TMEM233: variants seen among roughly 807,000 people sequenced by gnomAD.
TMEM233 encodes dispanin subfamily B member 2.
In TMEM233, 6 loss-of-function variants were observed where a neutral mutation model predicts 11.2. That is an observed-to-expected ratio of 0.54 (90% CI 0.29 to 1.06). The LOEUF (loss-of-function observed/expected upper bound fraction) is 1.06, where lower values mean the gene tolerates loss of function less well. Ranked by LOEUF, TMEM233 falls within the 50% of genes least tolerant of loss-of-function variation. The pLI is 0.08. For missense variants in TMEM233, 127 were observed against 144.7 expected, an observed-to-expected ratio of 0.88 and a Z score of 0.63; for synonymous variants, 59 against 55.8, an observed-to-expected ratio of 1.06 and a Z score of -0.26.
chr12:119,638,030 T>C (rs895157438), intron 2 of TMEM233, among the ~76,000 whole-genome samples: 3 of 152,208 alleles, frequency 2.0e-5, no homozygotes, highest in African/African-American at 4.8e-5. Context: ...ATGTATCTAA[T>C]ATAAAATCCA....
At chr12:119,647,643 A>C (rs1955171266), downstream of TMEM233, among the ~76,000 whole-genome samples, 1 of 152,110 alleles carries the variant, frequency 6.6e-6, no homozygotes. Context: ...TCTGGGATAC[A>C]TGTGCAGAAC....
At position 119,593,802 on chromosome 12, in the gene TMEM233, C is replaced by A; in HGVS notation, c.-47C>A. 6.5e-7 allele frequency: 1 copy of A among 1,538,238 alleles called. No homozygotes were observed. ...AGCCGGCGGCCAGAGCCCCAGACCA[C>A]ACAGACCGTGCGCTCCTCCGCCCTC... On this transcript the variant is annotated 5_prime_UTR_variant, in exon 1 of 3. Transcript: ENST00000426426. The surrounding 1 kb of genome is among the most constrained non-coding windows in gnomAD (Gnocchi z 4.1).
At position 119,641,675 on chromosome 12, in the gene TMEM233, T is replaced by C. The variant is rs1955085249; in HGVS notation, c.*970T>C. On this transcript the variant is annotated 3_prime_UTR_variant, in exon 3 of 3. Coordinates refer to ENST00000426426, the MANE Select transcript of TMEM233 (RefSeq NM_001136534.3). Reference sequence around the variant, plus strand: ...CATTATTCTGCCTGCCAGAACGCAGTAACCCAGTGTCTCACAGAGCACAAG... The same window carrying C: ...CATTATTCTGCCTGCCAGAACGCAGCAACCCAGTGTCTCACAGAGCACAAG... The C allele has an allele frequency of 6.6e-6, 1 of 152,220 alleles. No individual in the cohort carries two copies. Among genetic ancestry groups the C allele is most frequent in the Non-Finnish European group, 1.5e-5 (1 of 68,030 alleles). 9.4% of individuals were successfully genotyped at this position (152,220 alleles called of 1,614,324 possible). A position where few individuals can be genotyped will look rare whatever the true frequency, so the allele number is the denominator to read the frequency against.
chr12:119,599,388 C>G (rs925996916), intron 1 of TMEM233, among the ~76,000 whole-genome samples: 2 of 152,128 alleles, frequency 1.3e-5, no homozygotes, highest in Admixed American at 6.5e-5. Context: ...ATCAAAACAT[C>G]TCATGTACCC....
intron 1 of TMEM233, among the ~76,000 whole-genome samples, chr12:119,614,602 TG>T (rs978060962): frequency 1.3e-5 from 2 of 152,230 alleles, no homozygotes; most frequent in African/African-American, 4.8e-5. Flanking sequence ...TTAATTTCTT[TG>T]GGGCATAATA....
At position 119,595,644 on chromosome 12, in the gene TMEM233, G is replaced by A. The variant is rs2136662238; in HGVS notation, c.186+1610G>A. Among the ~76,000 whole-genome samples, 1 of 152,320 alleles carries A rather than the reference G, an allele frequency of 6.6e-6. No homozygotes were observed. Among genetic ancestry groups the A allele is most frequent in the East Asian group, 1.9e-4 (1 of 5,192 alleles). Reference sequence around the variant, plus strand: ...GCCATGTTTCTTGGGGTTGTTGGGAGCATTCATGACATAAATAATTGTAAA... The same window carrying A: ...GCCATGTTTCTTGGGGTTGTTGGGAACATTCATGACATAAATAATTGTAAA... On this transcript the variant is annotated intron_variant, in intron 1 of 2. Transcript: ENST00000426426. The surrounding 1 kb of genome is among the most constrained non-coding windows in gnomAD (Gnocchi z 4.3).
rs1326193134 is a variant in TMEM233, at chr12:119,595,124, A to C, written c.186+1090A>C. Among the ~76,000 whole-genome samples the C allele has an allele frequency of 1.3e-5, 2 of 152,012 alleles. No homozygotes were observed. The highest frequency in any genetic ancestry group is 2.9e-5 in the Non-Finnish European group (2 of 68,000). ...AACCCTGGTAGGAACACCCGAGCGA[A>C]CCCCACCAGGAGGGCGACGAGCGCC... On this transcript the variant is annotated intron_variant, in intron 1 of 2. Transcript: ENST00000426426. The surrounding 1 kb of genome is among the most constrained non-coding windows in gnomAD (Gnocchi z 4.3).
intron 1 of TMEM233, among the ~76,000 whole-genome samples, chr12:119,617,604 T>C (rs7972445): frequency 0.39 from 59,071 of 151,832 alleles, 12,841 homozygotes; most frequent in African/African-American, 0.57. Context: ...GAGGCCAAGG[T>C]GGGCAGATTA....
intron 2 of TMEM233, among the ~76,000 whole-genome samples, chr12:119,639,888 C>T (rs953417650): frequency 6.6e-6 from 1 of 152,136 alleles, no homozygotes; most frequent in Admixed American, 6.5e-5. Context: ...GCACCTAAAG[C>T]AGTGCCCAGC....
intron 1 of TMEM233, among the ~76,000 whole-genome samples, chr12:119,601,306 A>G (rs1954158696): frequency 6.6e-6 from 1 of 152,210 alleles, no homozygotes; most frequent in South Asian, 2.1e-4. Flanking sequence ...AAACATTATT[A>G]ATCCACATAT....
rs1272074391 is a variant in TMEM233, at chr12:119,626,513, AGGAGGAGAAG to A, written c.187-3218_187-3209del. The stretch of plus-strand genomic sequence containing the variant: ...AAGAAAAAGGAGGAGGAGGAGGAGG[AGGAGGAGAAG>A]GGAGAAGGGAGAAGGGAGAAGAGAA... On this transcript the variant is annotated intron_variant, in intron 1 of 2. Coordinates refer to ENST00000426426, the MANE Select transcript of TMEM233 (RefSeq NM_001136534.3). 1.1e-3 allele frequency among the ~76,000 whole-genome samples: 70 copies of A among 61,604 alleles called. 2 individuals carry two copies. The highest frequency in any genetic ancestry group is 2.6e-3 in the African/African-American group (46 of 17,470). The allele number at this position is 61,604 out of a possible 152,430, so 40.4% of individuals were successfully genotyped here.
At position 119,629,879 on chromosome 12, in the gene TMEM233, A is replaced by AGGCTTTT; in HGVS notation, c.323+8_323+14dup. 1 of 1,548,776 alleles carries AGGCTTTT rather than the reference A, an allele frequency of 6.5e-7. No individual in the cohort carries two copies. The highest frequency in any genetic ancestry group is 8.7e-7 in the Non-Finnish European group (1 of 1,145,824). ...CAGTTCACTTCACAAGGAAGTAAGT[A>AGGCTTTT]GGCTTTTTGAATCCCTCCCCATGTC... On this transcript the variant is annotated splice_region_variant and intron_variant, in intron 2 of 2. Transcript: ENST00000426426.
Position 119,640,258 on chromosome 12 carries a change from C to T in TMEM233, c.324-441C>T, listed in dbSNP as rs1955058805. On this transcript the variant is annotated intron_variant, in intron 2 of 2. Transcript: ENST00000426426. The stretch of plus-strand genomic sequence containing the variant: ...CAAGCTCCGCCTCCCGGGTTCACGC[C>T]ATTCTCCTGCCTCAGCCTCCCAAGT... 2.0e-5 allele frequency among the ~76,000 whole-genome samples: 3 copies of T among 152,168 alleles called. No individual in the cohort carries two copies. The South Asian group carries it at 6.2e-4, about 31-fold the overall frequency.
At chr12:119,643,215 C>G (rs1955109667), downstream of TMEM233, 1 of 152,180 alleles carries the variant, frequency 6.6e-6, no homozygotes, top group African/African-American at 2.4e-5. Flanking sequence ...AGGCATCACT[C>G]TGAACTAATT....
At chr12:119,644,430 C>T (rs760387361), downstream of TMEM233, among the ~76,000 whole-genome samples, 2 of 151,878 alleles carry the variant, frequency 1.3e-5, no homozygotes, top group Non-Finnish European at 2.9e-5. Context: ...TCTTACTATA[C>T]CTTCCATATG....
At chr12:119,634,567 C>T (rs576888638) in intron 2 of TMEM233, among the ~76,000 whole-genome samples, 197 of 152,102 alleles carry the variant, frequency 1.3e-3, no homozygotes, top group Non-Finnish European at 2.3e-3. Flanking sequence ...GAGCTGTGAT[C>T]ACACCACTGC....
chr12:119,601,236 G>A (rs1954157135), intron 1 of TMEM233, among the ~76,000 whole-genome samples: 2 of 152,156 alleles, frequency 1.3e-5, no homozygotes, highest in South Asian at 4.1e-4. Flanking sequence ...ACATCTTGGT[G>A]AAATTTCAGA....
intron 2 of TMEM233, chr12:119,634,170 C>T: frequency 1.2e-6 from 1 of 812,764 alleles, no homozygotes; most frequent in Non-Finnish European, 1.5e-6. Context: ...ATGAAGTTGC[C>T]ACCTAGCAGG....
intron 2 of TMEM233, among the ~76,000 whole-genome samples, chr12:119,636,680 C>T (rs144781202): frequency 5.3e-5 from 8 of 152,228 alleles, no homozygotes; most frequent in African/African-American, 9.6e-5. Context: ...TGGAATTCAG[C>T]GGAACGTCCT....
Sources: gnomAD v4.1 joint callset for allele counts (sites outside exome capture counted in the v4.1 genomes callset) on GRCh38, gnomAD v4.1.1 for gene constraint, Gnocchi (gnomAD v3.1) non-coding constraint, MANE v1.5 for transcripts, NCBI Gene and HGNC (gene_info 2026-07-23, HGNC 2026-07-21) for gene names.